Variants in DNM2 observed in about 807,000 individuals in gnomAD.
DNM2 encodes the protein dynamin 2.
DNM2 carries 15 observed loss-of-function variants against 99.0 expected under a neutral mutation model. The ratio of observed to expected loss-of-function variants is 0.15; its 90% CI spans 0.10 to 0.23. DNM2 has a LOEUF of 0.23. Ranked by LOEUF, DNM2 falls within the 10% of genes least tolerant of loss-of-function variation. DNM2 has a pLI of 1.00. For synonymous variants in DNM2, 525 were observed against 481.2 expected (o/e 1.09, Z -1.19); for missense variants, 742 against 1,189.4 (o/e 0.62, Z 5.53).
chr19:10,759,701 C>A, intron 1 of DNM2, 37 bp from the exon 2 acceptor site: 1 of 1,613,072 alleles, frequency 6.2e-7, no homozygotes, highest in Non-Finnish European at 8.5e-7. Context: ...TCGATCCGGA[C>A]GCAAGAGTAA....
rs908765534 is a variant in DNM2 at position 10,730,255 on chromosome 19, T to C, written c.161+11852T>C. On this transcript the variant is annotated intron_variant, in intron 1 of 20. Coordinates refer to ENST00000389253, the MANE Select transcript of DNM2 (RefSeq NM_001005361.3). ...AGCACTATGGGAGGCCGAGGCAACA[T>C]GGCTTGAGCTCAGGAGTTTGAGACC... is the stretch of plus-strand genomic sequence containing the variant. 5.9e-5 allele frequency among the ~76,000 whole-genome samples: 9 copies of C among 152,228 alleles called. No individual in the cohort carries two copies. The East Asian group carries it at 1.7e-3, about 29-fold the overall frequency.
chr19:10,773,827 G>A (rs1380498729), intron 3 of DNM2, among the ~76,000 whole-genome samples: 36 of 151,786 alleles, frequency 2.4e-4, no homozygotes, highest in Admixed American at 2.4e-3. Flanking sequence ...TGGCCAGGCT[G>A]GTCTCGAACT....
intron 4 of DNM2, among the ~76,000 whole-genome samples, 199 bp downstream of exon 4, chr19:10,776,105 A>G (rs181899828): frequency 5.3e-5 from 8 of 152,080 alleles, no homozygotes; most frequent in African/African-American, 1.9e-4. Flanking sequence ...TGGCAGTTGG[A>G]CGGTCCTCCT....
chr19:10,795,991 A>T lies in DNM2; in HGVS notation c.1196+552A>T. 2 of 1,609,040 alleles carry T rather than the reference A, an allele frequency of 1.2e-6. No homozygotes were observed. The highest frequency in any genetic ancestry group is 1.7e-6 in the Non-Finnish European group (2 of 1,179,544). On this transcript the variant is annotated intron_variant, in intron 9 of 20. Coordinates refer to ENST00000389253, the MANE Select transcript of DNM2 (RefSeq NM_001005361.3). This position sits in a 1 kb window ranked among gnomAD's most constrained non-coding sequence, Gnocchi z 4.2. ...CTTGTTGGGGACCCGGCCAGGGCCA[A>T]TGAAATTGCTGACCATGCTTTGTTT...
intron 4 of DNM2, among the ~76,000 whole-genome samples, chr19:10,776,697 A>G (rs575793047): frequency 1.3e-5 from 2 of 152,320 alleles, no homozygotes; most frequent in Admixed American, 1.3e-4. Context: ...AATTTTAGCC[A>G]TTCAGGCAAG....
intron 1 of DNM2, among the ~76,000 whole-genome samples, chr19:10,735,527 T>C (rs528151814): frequency 3.2e-4 from 48 of 152,256 alleles, no homozygotes; most frequent in African/African-American, 1.1e-3. Context: ...TATTTTTATT[T>C]TATTTTTGGA....
chr19:10,720,919 T>G (rs189828582), intron 1 of DNM2, among the ~76,000 whole-genome samples: 36 of 152,190 alleles, frequency 2.4e-4, no homozygotes, highest in African/African-American at 7.9e-4. Flanking sequence ...TAATCCCCAT[T>G]TTACAGAGCA....
intron 1 of DNM2, among the ~76,000 whole-genome samples, chr19:10,726,809 G>A (rs751208398): frequency 6.6e-6 from 1 of 152,156 alleles, no homozygotes; most frequent in Non-Finnish European, 1.5e-5. Context: ...GTTGCGGTAA[G>A]CCGAGATTGC....
At position 10,831,054 on chromosome 19, in the gene DNM2, AGGGGGGCGTGCTCTCG is replaced by A. The variant is rs1568325879; in HGVS notation, c.*15_*30del. On this transcript the variant is annotated 3_prime_UTR_variant, in exon 21 of 21. Transcript: ENST00000389253. The surrounding 1 kb of genome is among the most constrained non-coding windows in gnomAD (Gnocchi z 4.3). Reference sequence around the variant, plus strand: ...GCCATCCCTGCTCGACTAGGCCTCGAGGGGGGCGTGCTCTCGGGGGGGCCTCACGCACCCGCGGCGC... The same window carrying A: ...GCCATCCCTGCTCGACTAGGCCTCGAGGGGGGCCTCACGCACCCGCGGCGC... 7 of 1,597,986 alleles carry A rather than the reference AGGGGGGCGTGCTCTCG, an allele frequency of 4.4e-6. No individual in the cohort carries two copies. Among genetic ancestry groups the A allele is most frequent in the Non-Finnish European group, 5.1e-6 (6 of 1,172,270 alleles).
intron 14 of DNM2, 96 bp downstream of exon 14, chr19:10,808,676 A>G (rs778587606): frequency 6.7e-5 from 94 of 1,404,134 alleles, no homozygotes; most frequent in Non-Finnish European, 8.5e-5. Flanking sequence ...CATCCCCTCC[A>G]AATAACAAAA....
chr19:10,824,922 A>G (rs1599630742), intron 17 of DNM2, 135 bp from the exon 18 acceptor site: 6 of 1,420,796 alleles, frequency 4.2e-6, no homozygotes, highest in Middle Eastern at 2.5e-4. Flanking sequence ...AAGCAGGCCT[A>G]TCTGGTGCCA....
chr19:10,735,103 G>A (rs999773973), intron 1 of DNM2, among the ~76,000 whole-genome samples: 6 of 152,064 alleles, frequency 3.9e-5, no homozygotes, highest in Non-Finnish European at 5.9e-5. Flanking sequence ...GAGTGCAGCG[G>A]CGCGATCTCA....
In DNM2 at chr19:10,829,103, T is replaced by C; in HGVS notation, c.2126T>C (p.Met709Thr). 1.9e-6 allele frequency: 3 copies of C among 1,614,008 alleles called. No homozygotes were observed. Among genetic ancestry groups the C allele is most frequent in the African/African-American group, 1.3e-5 (1 of 75,046 alleles). ...TCCTCGGCAGACCAGAGCAGCCTCA[T>C]GGAGGAGTCGGCTGACCAGGCACAG... is the stretch of plus-strand genomic sequence containing the variant. ...LYSSADQSSLMEESADQAQRR... is the reference protein window; with the variant it reads ...LYSSADQSSLTEESADQAQRR... The change falls in exon 19 of 21, where the codon ATG becomes ACG. Residue 709 changes from methionine to threonine, a missense_variant. By Grantham distance (81) the Met-to-Thr change is moderately conservative (BLOSUM62 -1). Around this residue, in one of 7 missense-constraint regions of DNM2, gnomAD observed 240 missense variants for 431.3 expected, o/e 0.56. Transcript: ENST00000389253.
rs1394024017 is a variant in DNM2 at position 10,811,915 on chromosome 19, A to G, written c.1558-349A>G. On this transcript the variant is annotated intron_variant, in intron 14 of 20. Coordinates refer to ENST00000389253, the MANE Select transcript of DNM2 (RefSeq NM_001005361.3). The surrounding 1 kb of genome is among the most constrained non-coding windows in gnomAD (Gnocchi z 5.4). Reference sequence around the variant, plus strand: ...TACCCTTGGAACCTTATCTCACGCAAACAAGTGCAGTTCCTCAGATGTCAC... The same window carrying G: ...TACCCTTGGAACCTTATCTCACGCAGACAAGTGCAGTTCCTCAGATGTCAC... 9 of 457,594 alleles carry G rather than the reference A, an allele frequency of 2.0e-5. No homozygotes were observed. In the East Asian group the frequency reaches 6.1e-4, roughly 31 times the overall value. The allele number at this position is 457,594 out of a possible 1,614,324, so 28.3% of individuals were successfully genotyped here.
intron 13 of DNM2, among the ~76,000 whole-genome samples, chr19:10,808,338 ATGTTGT>A (rs1355803821): frequency 6.6e-6 from 1 of 152,034 alleles, no homozygotes; most frequent in African/African-American, 2.4e-5. Flanking sequence ...GGTAATACAT[ATGTTGT>A]TGCTTTTTTG....
intron 1 of DNM2, among the ~76,000 whole-genome samples, chr19:10,729,280 G>A (rs2069226620): frequency 6.6e-6 from 1 of 151,448 alleles, no homozygotes; most frequent in African/African-American, 2.4e-5. Flanking sequence ...AGGTTGCAGT[G>A]ATCCGAGGTG....
chr19:10,795,934 A>G lies in DNM2; in HGVS notation c.1196+495A>G. ...GGGTTTCCGGGCAGTGGACTCAGGC[A>G]TCCGACCCCACACATGACACAACCT... On this transcript the variant is annotated intron_variant, in intron 9 of 20. Transcript: ENST00000389253. The surrounding 1 kb of genome is among the most constrained non-coding windows in gnomAD (Gnocchi z 4.2). 1 of 1,520,144 alleles carries G rather than the reference A, an allele frequency of 6.6e-7. No individual in the cohort carries two copies. The highest frequency in any genetic ancestry group is 9.0e-7 in the Non-Finnish European group (1 of 1,108,920). 94.2% of individuals were successfully genotyped at this position (1,520,144 alleles called of 1,614,324 possible).
chr19:10,738,974 C>G (rs1469008062), intron 1 of DNM2, among the ~76,000 whole-genome samples: 1 of 151,918 alleles, frequency 6.6e-6, no homozygotes, highest in African/African-American at 2.4e-5. Flanking sequence ...TGAGACCATC[C>G]TGGCTAACAC....
chr19:10,729,512 A>G (rs1007180970), intron 1 of DNM2, among the ~76,000 whole-genome samples: 47 of 152,268 alleles, frequency 3.1e-4, no homozygotes, highest in Middle Eastern at 3.4e-3. Flanking sequence ...TTGGGGGAAC[A>G]GCATCGCAGG....
Sources: allele counts gnomAD v4.1 joint callset (sites outside exome capture counted in the v4.1 genomes callset), GRCh38; gene constraint gnomAD v4.1.1; regional missense constraint gnomAD v4.1.1; non-coding constraint Gnocchi (gnomAD v3.1); transcripts MANE v1.5; gene names NCBI Gene and HGNC (gene_info 2026-07-23, HGNC 2026-07-21).